The following SNX29 variants were observed in gnomAD, a reference collection of about 807,000 sequenced individuals.
SNX29 encodes sorting nexin 29.
SNX29 carries 78 observed loss-of-function variants against 102.1 expected under a neutral mutation model. That is an observed-to-expected ratio of 0.76 (90% CI 0.64 to 0.92). The LOEUF is 0.92. Among genes scored for constraint, SNX29 ranks in the 40% least tolerant of loss-of-function variants. The pLI is 0.00. For missense variants in SNX29, 1,280 were observed against 1,061.7 expected (o/e 1.21, Z -2.86); for synonymous variants, 580 against 414.5 (o/e 1.40, Z -4.85).
rs1460400879 is a variant in SNX29, at chr16:12,571,168, C to G, written c.*2539C>G. On this transcript the variant is annotated 3_prime_UTR_variant, in exon 21 of 21. Coordinates refer to ENST00000566228, the MANE Select transcript of SNX29 (RefSeq NM_032167.5). The stretch of plus-strand genomic sequence containing the variant: ...TGCTGCTCAGAAGAATCCCGTCCTG[C>G]TCTCTAGTGTGGTGGGATGAACTTC... 1 of 232,682 alleles carries G rather than the reference C, an allele frequency of 4.3e-6. No individual in the cohort carries two copies. The highest frequency in any genetic ancestry group is 6.1e-5 in the East Asian group (1 of 16,506). The allele number at this position is 232,682 out of a possible 1,614,324, so 14.4% of individuals were successfully genotyped here.
chr16:12,056,418 C>T (rs1351871304), intron 8 of SNX29, among the ~76,000 whole-genome samples: 1 of 152,212 alleles, frequency 6.6e-6, no homozygotes, highest in Admixed American at 6.5e-5. Context: ...CTGACCCTTC[C>T]ACAGAGCAGC....
chr16:12,564,505 G>C (rs372449260), intron 20 of SNX29, among the ~76,000 whole-genome samples: 1 of 152,184 alleles, frequency 6.6e-6, no homozygotes, highest in East Asian at 1.9e-4. Context: ...CTTAACAGAA[G>C]GAACTCAAGT....
intron 18 of SNX29, among the ~76,000 whole-genome samples, chr16:12,420,136 A>G (rs1265622261): frequency 6.6e-6 from 1 of 152,238 alleles, no homozygotes; most frequent in Non-Finnish European, 1.5e-5. Flanking sequence ...ACCCAGCAGC[A>G]GCCACATCCA....
intron 14 of SNX29, among the ~76,000 whole-genome samples, chr16:12,217,804 C>T (rs527553125): frequency 4.1e-4 from 63 of 152,342 alleles, no homozygotes; most frequent in Admixed American, 9.8e-4. Context: ...GCTTCATGCT[C>T]ATGTCATTTG....
chr16:12,481,554 A>ACACACC (rs1555549559), intron 19 of SNX29, among the ~76,000 whole-genome samples: 28 of 117,750 alleles, frequency 2.4e-4, no homozygotes, highest in East Asian at 6.7e-4. Context: ...ACACACACAC[A>ACACACC]CCCCAAATGT....
At chr16:12,457,609 G>C (rs2086596483) in intron 18 of SNX29, among the ~76,000 whole-genome samples, 1 of 152,188 alleles carries the variant, frequency 6.6e-6, no homozygotes, top group East Asian at 1.9e-4. Context: ...CACTCACTCT[G>C]GGTCTTTGGG....
chr16:12,316,296 G>C (rs994244366), intron 15 of SNX29, among the ~76,000 whole-genome samples: 1 of 152,164 alleles, frequency 6.6e-6, no homozygotes, highest in African/African-American at 2.4e-5. Context: ...GCCAGGGTGG[G>C]TGGATCACAA....
chr16:12,563,404 G>A (rs2078842531), intron 20 of SNX29, among the ~76,000 whole-genome samples: 1 of 152,168 alleles, frequency 6.6e-6, no homozygotes, highest in African/African-American at 2.4e-5. Flanking sequence ...GAAAATAGAT[G>A]GCGACTGGAT....
intron 15 of SNX29, among the ~76,000 whole-genome samples, chr16:12,332,946 G>A (rs528025914): frequency 1.3e-5 from 2 of 151,974 alleles, no homozygotes; most frequent in South Asian, 2.1e-4. Context: ...ACCCCTGCTC[G>A]TGCGGTTAGT....
At chr16:12,559,548 C>A (rs1036477409) in intron 20 of SNX29, among the ~76,000 whole-genome samples, 4 of 152,000 alleles carry the variant, frequency 2.6e-5, no homozygotes, top group African/African-American at 9.7e-5. Context: ...CCCCCTACAT[C>A]TGTGGAAAAT....
chr16:12,268,123 AC>A (rs1276024891), intron 14 of SNX29, among the ~76,000 whole-genome samples: 1 of 152,126 alleles, frequency 6.6e-6, no homozygotes, highest in Non-Finnish European at 1.5e-5. Context: ...CTTTCTTCGA[AC>A]CTTATTTAAC....
chr16:12,313,074 G>A (rs532648481), intron 15 of SNX29, among the ~76,000 whole-genome samples: 245 of 151,960 alleles, frequency 1.6e-3, no homozygotes, highest in African/African-American at 5.8e-3. Context: ...GAGTGAGTGG[G>A]GCGATCTCGG....
intron 13 of SNX29, among the ~76,000 whole-genome samples, chr16:12,148,179 C>T (rs578101458): frequency 6.6e-6 from 1 of 152,170 alleles, no homozygotes; most frequent in Non-Finnish European, 1.5e-5. Flanking sequence ...CTCTGAGACC[C>T]GAGAGAGCTC....
chr16:12,539,402 C>T (rs1045178948), intron 20 of SNX29, among the ~76,000 whole-genome samples: 3 of 151,978 alleles, frequency 2.0e-5, no homozygotes, highest in African/African-American at 7.3e-5. Flanking sequence ...TGTGTGAGAA[C>T]CGTCAAGTCG....
Position 12,572,885 on chromosome 16 carries a change from C to A in SNX29, c.*4256C>A. 9.5e-7 allele frequency: 1 copy of A among 1,055,808 alleles called. No individual in the cohort carries two copies. The allele number at this position is 1,055,808 out of a possible 1,614,324, so 65.4% of individuals were successfully genotyped here. A position where few individuals can be genotyped will look rare whatever the true frequency, so the allele number is the denominator to read the frequency against. On this transcript the variant is annotated 3_prime_UTR_variant, in exon 21 of 21. Transcript: ENST00000566228. Reference sequence around the variant, plus strand: ...AAGGTAATGATTGTCTTGACTCTGCCTTGGCATTTCGCTCGGAATCACGGC... The same window carrying A: ...AAGGTAATGATTGTCTTGACTCTGCATTGGCATTTCGCTCGGAATCACGGC...
At chr16:12,552,752 T>G (rs1465833423) in intron 20 of SNX29, among the ~76,000 whole-genome samples, 1 of 152,232 alleles carries the variant, frequency 6.6e-6, no homozygotes, top group African/African-American at 2.4e-5. Flanking sequence ...AAATCACTTC[T>G]GATTTAAGGT....
chr16:12,527,484 T>A, intron 20 of SNX29: 1 of 429,716 alleles, frequency 2.3e-6, no homozygotes, highest in East Asian at 4.1e-5. Flanking sequence ...AAAAGTCCAT[T>A]TGAGTTACTG....
At chr16:12,460,935 C>T (rs929900) in intron 18 of SNX29, among the ~76,000 whole-genome samples, 39,602 of 152,130 alleles carry the variant, frequency 0.26, 5,834 homozygotes, top group South Asian at 0.39. Context: ...GCCACCGTAC[C>T]CAGCCAAATG....
At chr16:12,262,820 G>A (rs1029505484) in intron 14 of SNX29, among the ~76,000 whole-genome samples, 12 of 152,186 alleles carry the variant, frequency 7.9e-5, no homozygotes, top group Non-Finnish European at 1.2e-4. Flanking sequence ...TTGGTTTTCC[G>A]TGTATTCACA....
Sources: gnomAD v4.1 joint callset for allele counts (sites outside exome capture counted in the v4.1 genomes callset) on GRCh38, gnomAD v4.1.1 for gene constraint, MANE v1.5 for transcripts, NCBI Gene and HGNC (gene_info 2026-07-23, HGNC 2026-07-21) for gene names.